Variants in NFIB observed in about 807,000 individuals in gnomAD.
NFIB encodes nuclear factor I B, also known as nuclear factor 1 B-type.
A neutral mutation model predicts 61.5 loss-of-function variants in NFIB; 11 were observed. That is an observed-to-expected ratio of 0.18 (90% CI 0.11 to 0.30). The LOEUF is 0.30. NFIB is among the 10% of genes least tolerant of loss of function. The pLI is 1.00. For synonymous variants in NFIB, 260 were observed against 216.5 expected (o/e 1.20, Z -1.76); for missense variants, 471 against 608.9 (o/e 0.77, Z 2.38).
chr9:14,396,234 T>C (rs1771167586), intron 1 of NFIB, among the ~76,000 whole-genome samples: 1 of 152,038 alleles, frequency 6.6e-6, no homozygotes, highest in Non-Finnish European at 1.5e-5. Context: ...GATCACAGAA[T>C]CTTTGGGACA....
At chr9:14,358,168 T>C (rs2061197699) in intron 1 of NFIB, among the ~76,000 whole-genome samples, 1 of 150,972 alleles carries the variant, frequency 6.6e-6, no homozygotes, top group South Asian at 2.1e-4. Flanking sequence ...TAAGTTTATT[T>C]ACATAATTAA....
At chr9:14,232,423 G>T (rs1177513804) in intron 2 of NFIB, among the ~76,000 whole-genome samples, 1 of 152,130 alleles carries the variant, frequency 6.6e-6, no homozygotes, top group African/African-American at 2.4e-5. Context: ...AGTGGTCCTG[G>T]ATTCTTCTAA....
chr9:14,237,832 T>G (rs2053924486), intron 2 of NFIB, among the ~76,000 whole-genome samples: 1 of 115,698 alleles, frequency 8.6e-6, no homozygotes, highest in Non-Finnish European at 1.7e-5. Flanking sequence ...CTCACCCTGC[T>G]AGGTATAACA....
At chr9:14,288,029 T>C (rs2058831535) in intron 2 of NFIB, among the ~76,000 whole-genome samples, 1 of 152,138 alleles carries the variant, frequency 6.6e-6, no homozygotes, top group African/African-American at 2.4e-5. Flanking sequence ...AAAACTCAAC[T>C]CAGCTAACTT....
the NFIB span, among the ~76,000 whole-genome samples, chr9:14,527,518 CAG>C: frequency 6.6e-6 from 1 of 152,146 alleles, no homozygotes; most frequent in Non-Finnish European, 1.5e-5. Flanking sequence ...TTAGAGAAAA[CAG>C]AAATTATTCA....
chr9:14,490,781 G>C, the NFIB span, among the ~76,000 whole-genome samples: 1 of 152,056 alleles, frequency 6.6e-6, no homozygotes, highest in African/African-American at 2.4e-5. Context: ...ACCACGCACT[G>C]GCAAAAAATA....
chr9:14,410,552 A>G, the NFIB span, among the ~76,000 whole-genome samples: 2 of 152,216 alleles, frequency 1.3e-5, no homozygotes, highest in Non-Finnish European at 2.9e-5. Flanking sequence ...TAAAAGGGAA[A>G]TGAAAAAGTA....
the NFIB span, among the ~76,000 whole-genome samples, chr9:14,522,662 C>A: frequency 6.6e-6 from 1 of 152,200 alleles, no homozygotes; most frequent in African/African-American, 2.4e-5. Flanking sequence ...TTATCCCCTG[C>A]AGTGCATGCT....
chr9:14,240,012 T>C (rs919977371), intron 2 of NFIB, among the ~76,000 whole-genome samples: 2 of 152,312 alleles, frequency 1.3e-5, no homozygotes, highest in African/African-American at 4.8e-5. Flanking sequence ...TTTCCACTTA[T>C]ATTAGTTTTG....
chr9:14,154,774 T>A (rs1376769110), intron 4 of NFIB, among the ~76,000 whole-genome samples: 1 of 152,202 alleles, frequency 6.6e-6, no homozygotes, highest in Non-Finnish European at 1.5e-5. Context: ...ATTTGCACTG[T>A]TCACTTTAGA....
intron 1 of NFIB, among the ~76,000 whole-genome samples, chr9:14,339,062 T>A (rs1264749988): frequency 1.3e-5 from 2 of 152,198 alleles, no homozygotes; most frequent in African/African-American, 4.8e-5. Context: ...TACTTGGCCA[T>A]CCCATTTTAA....
At chr9:14,391,481 T>C (rs1209729196) in intron 1 of NFIB, among the ~76,000 whole-genome samples, 1 of 151,964 alleles carries the variant, frequency 6.6e-6, no homozygotes, top group African/African-American at 2.4e-5. Context: ...AGGAAACACC[T>C]GAAGCTGGTA....
intron 6 of NFIB, among the ~76,000 whole-genome samples, chr9:14,135,197 T>C (rs2040901291): frequency 6.6e-6 from 1 of 152,164 alleles, no homozygotes; most frequent in Non-Finnish European, 1.5e-5. Context: ...ACTATTACTT[T>C]TACTGTAAAA....
At chr9:14,428,174 G>A in the NFIB span, among the ~76,000 whole-genome samples, 1 of 151,706 alleles carries the variant, frequency 6.6e-6, no homozygotes, top group South Asian at 2.1e-4. Flanking sequence ...TCAAATTCCT[G>A]GGCTCAAGTA....
chr9:14,514,328 A>ACACACACACG, the NFIB span, among the ~76,000 whole-genome samples: 3 of 149,656 alleles, frequency 2.0e-5, no homozygotes, highest in Non-Finnish European at 4.5e-5. Context: ...ATACATACAT[A>ACACACACACG]CACACACACA....
intron 1 of NFIB, among the ~76,000 whole-genome samples, chr9:14,384,417 C>G (rs1392504192): frequency 6.6e-6 from 1 of 152,212 alleles, no homozygotes; most frequent in Admixed American, 6.5e-5. Flanking sequence ...TACTTGATAG[C>G]TCAGCCTCAG....
chr9:14,318,165 G>C (rs983350517), upstream of NFIB, among the ~76,000 whole-genome samples: 10 of 152,014 alleles, frequency 6.6e-5, no homozygotes, highest in Non-Finnish European at 1.0e-4. Context: ...TATTCTTAAA[G>C]ATCTCCTCCC....
intron 1 of NFIB, among the ~76,000 whole-genome samples, chr9:14,387,994 GCT>G (rs1365592166): frequency 6.6e-6 from 1 of 152,124 alleles, no homozygotes; most frequent in East Asian, 1.9e-4. Context: ...TTGTATATAA[GCT>G]CTGCCCTAGA....
chr9:14,461,476 G>GACTTCTGGCT, the NFIB span, among the ~76,000 whole-genome samples: 1 of 152,196 alleles, frequency 6.6e-6, no homozygotes, highest in Non-Finnish European at 1.5e-5. Flanking sequence ...TCTATCAGCA[G>GACTTCTGGCT]CAGGCAGGAG....
Sources: gnomAD v4.1 joint callset for allele counts (sites outside exome capture counted in the v4.1 genomes callset) on GRCh38, gnomAD v4.1.1 for gene constraint, MANE v1.5 for transcripts, NCBI Gene and HGNC (gene_info 2026-07-23, HGNC 2026-07-21) for gene names.